Variants in KIAA0825 observed in about 807,000 individuals in gnomAD.
KIAA0825 encodes uncharacterized protein KIAA0825.
In KIAA0825, 119 loss-of-function variants were observed where a neutral mutation model predicts 147.6. That is an observed-to-expected ratio of 0.81 (90% CI 0.69 to 0.94). The LOEUF is 0.94. Among genes scored for constraint, KIAA0825 ranks in the 40% least tolerant of loss-of-function variants. The pLI is 0.00. For missense variants in KIAA0825, 1,381 were observed against 1,472.7 expected, an observed-to-expected ratio of 0.94 and a Z score of 1.02; for synonymous variants, 470 against 518.1, an observed-to-expected ratio of 0.91 and a Z score of 1.26.
chr5:94,593,325 C>G, intron 1 of KIAA0825: 2 of 836,022 alleles, frequency 2.4e-6, no homozygotes, highest in South Asian at 2.6e-5. Context: ...ACTTGGAAAC[C>G]ATCCAGAACT....
intron 20 of KIAA0825, among the ~76,000 whole-genome samples, chr5:94,257,458 G>A (rs559635266): frequency 2.0e-5 from 3 of 152,130 alleles, no homozygotes; most frequent in South Asian, 2.1e-4. Context: ...GTTTAGATTC[G>A]TGCCATCAAC....
In KIAA0825 at chr5:94,538,147, G is replaced by C. The variant is rs553697517; in HGVS notation, c.-1-1020C>G. On this transcript the variant is annotated intron_variant, in intron 2 of 20. Coordinates refer to ENST00000682413, the MANE Select transcript of KIAA0825 (RefSeq NM_001145678.3). Reference sequence around the variant, plus strand: ...AGTTTTTATTCTAGTGGGGAAGACAGATTTTTTACAAACACATAAACAGAT... The same window carrying C: ...AGTTTTTATTCTAGTGGGGAAGACACATTTTTTACAAACACATAAACAGAT... Among the ~76,000 whole-genome samples, 6 of 152,300 alleles carry C rather than the reference G, an allele frequency of 3.9e-5. No individual in the cohort carries two copies. In the East Asian group the frequency reaches 1.2e-3, roughly 29 times the overall value.
intron 6 of KIAA0825, among the ~76,000 whole-genome samples, chr5:94,478,730 T>C (rs1270453702): frequency 1.3e-5 from 2 of 152,104 alleles, no homozygotes; most frequent in Non-Finnish European, 2.9e-5. Context: ...TCAAAGATTT[T>C]TAAATAAAGA....
chr5:94,204,578 A>G (rs1261207251), intron 20 of KIAA0825, among the ~76,000 whole-genome samples: 1 of 152,220 alleles, frequency 6.6e-6, no homozygotes, highest in Non-Finnish European at 1.5e-5. Flanking sequence ...TTCCTTTGTA[A>G]TTCCTTCAAA....
At chr5:94,506,388 A>G (rs1048805301) in intron 5 of KIAA0825, among the ~76,000 whole-genome samples, 1 of 152,236 alleles carries the variant, frequency 6.6e-6, no homozygotes, top group African/African-American at 2.4e-5. Flanking sequence ...AACAGTTTTA[A>G]ACTTGCATAC....
Position 94,332,180 on chromosome 5 carries a change from A to G in KIAA0825, c.3710+52188T>C, listed in dbSNP as rs566991677. 2.6e-3 allele frequency among the ~76,000 whole-genome samples: 381 copies of G among 148,320 alleles called. 3 individuals are homozygous for G. Among genetic ancestry groups the G allele is most frequent in the African/African-American group, 8.1e-3 (330 of 40,574 alleles). On this transcript the variant is annotated intron_variant, in intron 20 of 20. Transcript: ENST00000682413. ...CATCTCAAAAAAAAAAAAAAAAAAG[A>G]AAAGAAAATCAGAAATAGAAGGAAT...
At chr5:94,547,406 G>T (rs1252731520) in intron 2 of KIAA0825, among the ~76,000 whole-genome samples, 5 of 151,940 alleles carry the variant, frequency 3.3e-5, no homozygotes, top group Admixed American at 2.0e-4. Flanking sequence ...CTACCTCAAG[G>T]CATTTAATAA....
chr5:94,413,707 T>G (rs1412643388), intron 15 of KIAA0825: 1 of 152,304 alleles, frequency 6.6e-6, no homozygotes, highest in South Asian at 2.1e-4. Context: ...ATCTTTATCG[T>G]TGTGGTTGTC....
chr5:94,525,939 T>C (rs1201913763), intron 3 of KIAA0825, among the ~76,000 whole-genome samples: 1 of 151,986 alleles, frequency 6.6e-6, no homozygotes, highest in Non-Finnish European at 1.5e-5. Flanking sequence ...CTAAGACAGA[T>C]AAACTTTATT....
chr5:94,367,550 A>G (rs192994048), intron 20 of KIAA0825, among the ~76,000 whole-genome samples: 269 of 152,258 alleles, frequency 1.8e-3, no homozygotes, highest in African/African-American at 6.3e-3. Flanking sequence ...AGAAAGTGAT[A>G]AAGTGATAGA....
chr5:94,185,197 A>C (rs1314827576), intron 20 of KIAA0825, among the ~76,000 whole-genome samples: 2 of 152,190 alleles, frequency 1.3e-5, no homozygotes, highest in Non-Finnish European at 2.9e-5. Context: ...CAGAGTCAGT[A>C]TGGGATCCTG....
intron 12 of KIAA0825, among the ~76,000 whole-genome samples, chr5:94,455,124 T>G (rs1758929966): frequency 6.6e-6 from 1 of 152,102 alleles, no homozygotes. Context: ...TTTGAAGATA[T>G]CAGTGTGGAA....
At chr5:94,476,362 G>A (rs1442226604) in intron 7 of KIAA0825, among the ~76,000 whole-genome samples, 2 of 152,158 alleles carry the variant, frequency 1.3e-5, no homozygotes, top group Non-Finnish European at 2.9e-5. Flanking sequence ...CCTAGGGCTG[G>A]AGGAATTTAG....
chr5:94,463,621 CCAGT>C (rs1760109000), intron 11 of KIAA0825, among the ~76,000 whole-genome samples: 2 of 150,886 alleles, frequency 1.3e-5, no homozygotes. Flanking sequence ...TTAGGATTAA[CCAGT>C]CAAATAAAAA....
rs140318165 is a variant in KIAA0825, at chr5:94,183,191, C to T, written c.3711-29067G>A. On this transcript the variant is annotated intron_variant, in intron 20 of 20. Coordinates refer to ENST00000682413, the MANE Select transcript of KIAA0825 (RefSeq NM_001145678.3). The stretch of plus-strand genomic sequence containing the variant: ...TAAAAGTATTAAATACAAATTATCA[C>T]CTACCTGCTACACCAAAAATAATTG... Among the ~76,000 whole-genome samples, 914 of 152,248 alleles carry T rather than the reference C, an allele frequency of 6.0e-3. 9 individuals carry two copies. Among genetic ancestry groups the T allele is most frequent in the Non-Finnish European group, 0.011 (729 of 68,012 alleles).
intron 20 of KIAA0825, among the ~76,000 whole-genome samples, chr5:94,352,273 A>G (rs930509003): frequency 2.0e-5 from 3 of 152,192 alleles, no homozygotes; most frequent in Non-Finnish European, 4.4e-5. Flanking sequence ...TAAACAGACA[A>G]TCCTCAAAAG....
chr5:94,412,438 A>G (rs1323115258), intron 15 of KIAA0825, among the ~76,000 whole-genome samples: 1 of 152,042 alleles, frequency 6.6e-6, no homozygotes, highest in Non-Finnish European at 1.5e-5. Flanking sequence ...GTGTCACTCC[A>G]TTGCCAGGCT....
At chr5:94,551,289 C>A (rs1176554491) in intron 2 of KIAA0825, among the ~76,000 whole-genome samples, 1 of 151,926 alleles carries the variant, frequency 6.6e-6, no homozygotes, top group Non-Finnish European at 1.5e-5. Context: ...GATATACAAA[C>A]CTTATTTAAT....
chr5:94,339,841 C>T (rs1782185251), intron 20 of KIAA0825, among the ~76,000 whole-genome samples: 1 of 151,976 alleles, frequency 6.6e-6, no homozygotes, highest in South Asian at 2.1e-4. Context: ...AGAAACAGGC[C>T]AAATATTTAT....
Sources: gnomAD v4.1 joint callset for allele counts (sites outside exome capture counted in the v4.1 genomes callset) on GRCh38, gnomAD v4.1.1 for gene constraint, MANE v1.5 for transcripts, NCBI Gene and HGNC (gene_info 2026-07-23, HGNC 2026-07-21) for gene names.